The following PLA2G4D variants were observed in gnomAD, a reference collection of about 807,000 sequenced individuals.
The protein encoded by PLA2G4D is cytosolic phospholipase A2 delta.
A neutral mutation model predicts 94.4 loss-of-function variants in PLA2G4D; 80 were observed. That is an observed-to-expected ratio of 0.85 (90% CI 0.71 to 1.02). PLA2G4D has a LOEUF of 1.02. Ranked by LOEUF, PLA2G4D falls within the 50% of genes least tolerant of loss-of-function variation. The pLI, the probability that PLA2G4D is intolerant of heterozygous loss-of-function variation, is 0.00. For synonymous variants in PLA2G4D, 438 were observed against 440.9 expected, an observed-to-expected ratio of 0.99 and a Z score of 0.08; for missense variants, 1,050 against 1,034.7, an observed-to-expected ratio of 1.01 and a Z score of -0.20.
At chr15:42,072,841 T>C (rs527469529) in intron 13 of PLA2G4D, among the ~76,000 whole-genome samples, 1 of 152,328 alleles carries the variant, frequency 6.6e-6, no homozygotes, top group African/African-American at 2.4e-5. Context: ...TTCACCTTAA[T>C]GCAGTTCAAG....
intron 13 of PLA2G4D, among the ~76,000 whole-genome samples, chr15:42,077,014 A>G: frequency 6.6e-6 from 1 of 152,236 alleles, no homozygotes; most frequent in Non-Finnish European, 1.5e-5. Flanking sequence ...GACACATTCA[A>G]CCTACCAAGA....
Position 42,087,389 on chromosome 15 carries a change from C to T in PLA2G4D, c.166G>A (p.Gly56Arg), listed in dbSNP as rs1213797595. The change falls in exon 3 of 20, where the codon GGA (glycine) becomes AGA (arginine). Residue 56 changes from glycine (G) to arginine (R), a missense_variant. By Grantham distance (125) the Gly-to-Arg change is moderately radical. Coordinates refer to ENST00000290472, the MANE Select transcript of PLA2G4D (RefSeq NM_178034.4). The stretch of plus-strand genomic sequence containing the variant: ...AGCGTCTTGGTCTTAAACTTCATTC[C>T]AGGTGCGGTCGACAGCTGTAGGATC... ...YVILQLSTAPGMKFKTKTLTD... is the reference protein window; with the variant it reads ...YVILQLSTAPRMKFKTKTLTD... The T allele has an allele frequency of 3.1e-6, 5 of 1,614,042 alleles. No individual in the cohort carries two copies. In the South Asian group the frequency reaches 5.5e-5, roughly 18 times the overall value.
In PLA2G4D at chr15:42,094,489, A is replaced by C. The variant is rs755606457; in HGVS notation, c.-30T>G. Reference sequence around the variant, plus strand: ...GCCCTTCCAGCTTCACTCCAGGCCCAGCCCTTGCCAAGATGCTGGCTCTCT... The same window carrying C: ...GCCCTTCCAGCTTCACTCCAGGCCCCGCCCTTGCCAAGATGCTGGCTCTCT... On this transcript the variant is annotated 5_prime_UTR_variant, in exon 1 of 20. Coordinates refer to ENST00000290472, the MANE Select transcript of PLA2G4D (RefSeq NM_178034.4). The C allele has an allele frequency of 6.8e-6, 11 of 1,613,824 alleles. No homozygotes were observed. Among genetic ancestry groups the C allele is most frequent in the Non-Finnish European group, 9.3e-6 (11 of 1,179,942 alleles).
intron 13 of PLA2G4D, among the ~76,000 whole-genome samples, chr15:42,073,440 C>T (rs911520162): frequency 4.6e-5 from 7 of 152,194 alleles, no homozygotes; most frequent in African/African-American, 1.7e-4. Flanking sequence ...ACCAGCAAGG[C>T]GAATGGTGGT....
In PLA2G4D at chr15:42,087,396, G is replaced by A. The variant is rs4924619; in HGVS notation, c.159C>T (p.Thr53=). ...ADPYVILQLS[T]APGMKFKTKT... is the part of the protein sequence containing the mutation. ...TGGTCTTAAACTTCATTCCAGGTGC[G>A]GTCGACAGCTGTAGGATCACGTAAG... Residue 53 remains threonine, a synonymous_variant, in exon 3 of 20, where the codon ACC becomes ACT. Coordinates refer to ENST00000290472, the MANE Select transcript of PLA2G4D (RefSeq NM_178034.4). 155,845 of 1,614,050 alleles carry A rather than the reference G, an allele frequency of 0.097. 8,374 individuals are homozygous for A. Among genetic ancestry groups the A allele is most frequent in the Non-Finnish European group, 0.11 (130,101 of 1,179,970 alleles).
Position 42,079,672 on chromosome 15 carries a change from C to T in PLA2G4D, c.1182G>A (p.Lys394=). The part of the protein sequence containing the change: ...PIRYAREHLA[K]SKLEVFSPER... ...CTGGGGAAAAGACCTCCAGCTTGCT[C>T]TTGGCCAGGTGCTCCCGGGCGTATC... The change falls in exon 13 of 20, where the codon AAG becomes AAA. Residue 394 remains lysine (K), a synonymous_variant. Transcript: ENST00000290472. 2 of 1,613,202 alleles carry T rather than the reference C, an allele frequency of 1.2e-6. No individual in the cohort carries two copies. The highest frequency in any genetic ancestry group is 1.7e-6 in the Non-Finnish European group (2 of 1,179,628).
At chr15:42,071,079 A>G (rs768241189) in intron 17 of PLA2G4D, 44 bp downstream of exon 17, 1 of 1,588,934 alleles carries the variant, frequency 6.3e-7, no homozygotes, top group Non-Finnish European at 8.5e-7. Context: ...CACCACCCAG[A>G]GGCCCAACCT....
At chr15:42,068,966 A>G (rs1425973288) in intron 19 of PLA2G4D, 25 bp from the exon 20 acceptor site, 2 of 1,592,992 alleles carry the variant, frequency 1.3e-6, no homozygotes, top group South Asian at 2.3e-5. Flanking sequence ...GAGGGGTGTC[A>G]GGAGCAGGAC....
At chr15:42,070,656 T>C in intron 18 of PLA2G4D, 61 bp downstream of exon 18, 2 of 1,506,582 alleles carry the variant, frequency 1.3e-6, no homozygotes, top group African/African-American at 1.4e-5. Flanking sequence ...GTGGCCCTGC[T>C]GCTCGCCTCT....
Position 42,079,651 on chromosome 15 carries a change from G to A in PLA2G4D, c.1203C>T (p.Ser401=), listed in dbSNP as rs1440521782. 1 of 1,612,984 alleles carries A rather than the reference G, an allele frequency of 6.2e-7. No individual in the cohort carries two copies. Among genetic ancestry groups the A allele is most frequent in the Non-Finnish European group, 8.5e-7 (1 of 1,179,512 alleles). Residue 401 remains serine (S), a synonymous_variant, in exon 13 of 20, where the codon TCC becomes TCT. Transcript: ENST00000290472. ...GGCGGTAGCTCGCCAGGCGCTCTGGGGAAAAGACCTCCAGCTTGCTCTTGG... is the reference window on the plus strand; with the variant it reads ...GGCGGTAGCTCGCCAGGCGCTCTGGAGAAAAGACCTCCAGCTTGCTCTTGG... ...HLAKSKLEVF[S]PERLASYRRE...
In PLA2G4D at chr15:42,070,240, G is replaced by A. The variant is rs377253849; in HGVS notation, c.2044-145C>T. 107 of 784,650 alleles carry A rather than the reference G, an allele frequency of 1.4e-4. 1 individual carries two copies. In the Middle Eastern group the frequency reaches 3.3e-3, roughly 24 times the overall value. The allele number at this position is 784,650 out of a possible 1,614,324, so 48.6% of individuals were successfully genotyped here. A position where few individuals can be genotyped will look rare whatever the true frequency, so the allele number is the denominator to read the frequency against. ...GTCGGGCCAAGCTGCAGAGTGACTC[G>A]GAGGGAGACCCAGGGGGAGTCCAAG... On this transcript the variant is annotated intron_variant, in intron 18 of 19. Coordinates refer to ENST00000290472, the MANE Select transcript of PLA2G4D (RefSeq NM_178034.4).
chr15:42,081,194 C>A lies in PLA2G4D; in HGVS notation c.958-61G>T, dbSNP rs1890030031. 3 of 1,584,416 alleles carry A rather than the reference C, an allele frequency of 1.9e-6. No homozygotes were observed. The Admixed American group carries it at 5.2e-5, about 27-fold the overall frequency. On this transcript the variant is annotated intron_variant, in intron 11 of 19. Transcript: ENST00000290472. ...AAGGGGCCAGCTGCCTCCTGTCTCA[C>A]CCAGGGCCCTGCCCCGCTCCTTGTC...
Position 42,067,857 on chromosome 15 carries a change from A to C in PLA2G4D, c.*858T>G, listed in dbSNP as rs1191273727. ...AAAACCCACAGCTAAAATCACACTA[A>C]ATGGTGAGAGACTTATGCTTTCTTG... is the stretch of plus-strand genomic sequence containing the variant. On this transcript the variant is annotated 3_prime_UTR_variant, in exon 20 of 20. Transcript: ENST00000290472. 1 of 152,196 alleles carries C rather than the reference A, an allele frequency of 6.6e-6. No homozygotes were observed. Among genetic ancestry groups the C allele is most frequent in the African/African-American group, 2.4e-5 (1 of 41,442 alleles). 9.4% of individuals were successfully genotyped at this position (152,196 alleles called of 1,614,324 possible). A position where few individuals can be genotyped will look rare whatever the true frequency, so the allele number is the denominator to read the frequency against.
In PLA2G4D at chr15:42,072,318, G is replaced by A; in HGVS notation, c.1392C>T (p.Ser464=). The A allele has an allele frequency of 6.2e-7, 1 of 1,613,920 alleles. No homozygotes were observed. The highest frequency in any genetic ancestry group is 8.5e-7 in the Non-Finnish European group (1 of 1,179,992). The change falls in exon 14 of 20, where the codon AGC becomes AGT. Residue 464 remains serine (S), a synonymous_variant. Coordinates refer to ENST00000290472, the MANE Select transcript of PLA2G4D (RefSeq NM_178034.4). ...RGQNPLPLYL[S]LNVKENNLET... ...CCAGATTGTTCTCTTTGACATTGAG[G>A]CTCAAGTAGAGGGGCAGAGGGTTCT...
chr15:42,067,922 G>A lies in PLA2G4D; in HGVS notation c.*793C>T, dbSNP rs900777602. 4 of 152,308 alleles carry A rather than the reference G, an allele frequency of 2.6e-5. No homozygotes were observed. The highest frequency in any genetic ancestry group is 2.1e-4 in the South Asian group (1 of 4,828). 9.4% of individuals were successfully genotyped at this position (152,308 alleles called of 1,614,324 possible). On this transcript the variant is annotated 3_prime_UTR_variant, in exon 20 of 20. Transcript: ENST00000290472. ...AAGACAAGATGTCTGCTCTTGAAAC[G>A]TGTGTTCATCATTGTACTGCTCAGG...
Position 42,081,144 on chromosome 15 carries a change from C to A in PLA2G4D, c.958-11G>T, listed in dbSNP as rs1425932553. ...GCCCACAACGGGTACCTGGACCACA[C>A]ACAGACAGGCTGGATTAACAAGGAA... is the stretch of plus-strand genomic sequence containing the variant. On this transcript the variant is annotated splice_polypyrimidine_tract_variant and intron_variant, in intron 11 of 19. Coordinates refer to ENST00000290472, the MANE Select transcript of PLA2G4D (RefSeq NM_178034.4). 7.4e-6 allele frequency: 12 copies of A among 1,611,428 alleles called. No homozygotes were observed. In the East Asian group the frequency reaches 8.9e-5, roughly 12 times the overall value.
At chr15:42,075,652 T>C (rs962547534) in intron 13 of PLA2G4D, among the ~76,000 whole-genome samples, 1 of 152,070 alleles carries the variant, frequency 6.6e-6, no homozygotes, top group African/African-American at 2.4e-5. Context: ...TTTGGGAGGC[T>C]GAGGCAGGCA....
Position 42,083,301 on chromosome 15 carries a change from T to G in PLA2G4D, c.569A>C (p.Lys190Thr), listed in dbSNP as rs1400131644. 1 of 1,613,926 alleles carries G rather than the reference T, an allele frequency of 6.2e-7. No individual in the cohort carries two copies. Among genetic ancestry groups the G allele is most frequent in the African/African-American group, 1.3e-5 (1 of 74,930 alleles). The change falls in exon 8 of 20, where the codon AAG (lysine) becomes ACG (threonine). Residue 190 changes from lysine (K) to threonine (T), a missense_variant. Lys to Thr is a moderately conservative substitution (Grantham distance 78). Coordinates refer to ENST00000290472, the MANE Select transcript of PLA2G4D (RefSeq NM_178034.4). Reference sequence around the variant, plus strand: ...TGTCTGTGTGTCCTCATAGGACCCCTTCAGCACCAGCTCCAGCTCCAGCTT... The same window carrying G: ...TGTCTGTGTGTCCTCATAGGACCCCGTCAGCACCAGCTCCAGCTCCAGCTT... ...QDKLELELVLKGSYEDTQTSF... is the reference protein window; with the variant it reads ...QDKLELELVLTGSYEDTQTSF...
intron 4 of PLA2G4D, among the ~76,000 whole-genome samples, chr15:42,085,879 G>A (rs1005528532): frequency 1.3e-5 from 2 of 152,142 alleles, no homozygotes; most frequent in East Asian, 1.9e-4. Flanking sequence ...GAACTCTGCC[G>A]TCCCCACCCC....
Sources: allele counts gnomAD v4.1 joint callset (sites outside exome capture counted in the v4.1 genomes callset), GRCh38; gene constraint gnomAD v4.1.1; transcripts MANE v1.5; gene names NCBI Gene and HGNC (gene_info 2026-07-23, HGNC 2026-07-21).